Variants in RPS6KA3 observed in about 807,000 individuals in gnomAD.
RPS6KA3 encodes ribosomal protein S6 kinase alpha-3.
Under a neutral mutation model 67.2 loss-of-function variants are expected in RPS6KA3, and 4 were observed. The observed-to-expected ratio is 0.06, with a 90% CI of 0.03 to 0.14. RPS6KA3 has a LOEUF of 0.14. Among genes scored for constraint, RPS6KA3 ranks in the 10% least tolerant of loss-of-function variants. The pLI is 1.00. For synonymous variants in RPS6KA3, 182 were observed against 183.7 expected, an observed-to-expected ratio of 0.99 and a Z score of 0.07; for missense variants, 204 against 559.0, an observed-to-expected ratio of 0.36 and a Z score of 6.40.
At chrX:20,208,484 G>C (rs1603428139) in intron 3 of RPS6KA3, among the ~76,000 whole-genome samples, 1 of 111,668 alleles carries the variant, frequency 9.0e-6, no homozygotes, top group Non-Finnish European at 1.9e-5. Flanking sequence ...GGGAGGCCGA[G>C]GCAAGTGGAT....
At chrX:20,240,145 T>G (rs1223104919) in intron 1 of RPS6KA3, among the ~76,000 whole-genome samples, 1 of 108,984 alleles carries the variant, frequency 9.2e-6, no homozygotes, top group Non-Finnish European at 1.9e-5. Context: ...AGAAATGAAA[T>G]GGACGTACGG....
At chrX:20,259,755 A>T (rs754076688) in intron 1 of RPS6KA3, among the ~76,000 whole-genome samples, 2 of 111,756 alleles carry the variant, frequency 1.8e-5, no homozygotes, top group Non-Finnish European at 3.8e-5. Context: ...CATTGTATAC[A>T]ACATCTTAAA....
chrX:20,213,712 GAATAA>G (rs1170602093), intron 2 of RPS6KA3, among the ~76,000 whole-genome samples: 28 of 104,842 alleles, frequency 2.7e-4, no homozygotes, highest in African/African-American at 8.0e-4. Flanking sequence ...TATAATAATA[GAATAA>G]AATAAAATAA....
intron 4 of RPS6KA3, among the ~76,000 whole-genome samples, chrX:20,196,913 C>T (rs774373788): frequency 3.6e-5 from 4 of 111,673 alleles, no homozygotes; most frequent in South Asian, 3.8e-4. Flanking sequence ...GACCTCGGCT[C>T]GCTGCAACCT....
At chrX:20,190,689 A>T (rs1215876926) in intron 7 of RPS6KA3, among the ~76,000 whole-genome samples, 1 of 111,484 alleles carries the variant, frequency 9.0e-6, no homozygotes. Context: ...TGGGAAAATA[A>T]TCAGGAAAAC....
intron 1 of RPS6KA3, among the ~76,000 whole-genome samples, chrX:20,253,878 G>A (rs970580895): frequency 9.3e-6 from 1 of 107,699 alleles, no homozygotes; most frequent in Non-Finnish European, 1.9e-5. Context: ...TTTTCACCTA[G>A]TAGTATACTA....
chrX:20,199,158 C>T (rs2068355876), intron 4 of RPS6KA3, among the ~76,000 whole-genome samples: 1 of 111,903 alleles, frequency 8.9e-6, no homozygotes, highest in Non-Finnish European at 1.9e-5. Flanking sequence ...GCGTGAGCCA[C>T]CGTACCCAGC....
At chrX:20,239,513 T>TC (rs1156240335) in intron 1 of RPS6KA3, among the ~76,000 whole-genome samples, 1 of 111,637 alleles carries the variant, frequency 9.0e-6, no homozygotes, top group Non-Finnish European at 1.9e-5. Context: ...TCCTCTCTCA[T>TC]CCCACCATAA....
chrX:20,186,392 G>T lies in RPS6KA3; in HGVS notation c.775-26C>A, dbSNP rs766558226. The T allele has an allele frequency of 1.4e-5, 13 of 940,743 alleles. No individual in the cohort carries two copies. The South Asian group carries it at 1.8e-4, about 13-fold the overall frequency. 77.5% of individuals were successfully genotyped at this position (940,743 alleles called of 1,213,427 possible). A position where few individuals can be genotyped will look rare whatever the true frequency, so the allele number is the denominator to read the frequency against. On this transcript the variant is annotated intron_variant, in intron 9 of 21. Transcript: ENST00000379565. ...CTACAGAAAGGCAAAATAATCAGAAGTGTTAGTCAATAAATATAAAATCTG... is the reference window on the plus strand; with the variant it reads ...CTACAGAAAGGCAAAATAATCAGAATTGTTAGTCAATAAATATAAAATCTG...
intron 1 of RPS6KA3, among the ~76,000 whole-genome samples, chrX:20,259,033 A>G (rs116292756): frequency 0.031 from 3,468 of 111,954 alleles, 126 homozygotes; most frequent in African/African-American, 0.1. Context: ...TATGGTATGT[A>G]AAACATAAAA....
chrX:20,225,231 TTTTTTTTTTTTG>T lies in RPS6KA3; in HGVS notation c.126+9515_126+9526del, dbSNP rs1285678633. Among the ~76,000 whole-genome samples, 540 of 82,084 alleles carry T rather than the reference TTTTTTTTTTTTG, an allele frequency of 6.6e-3. 7 individuals carry two copies. The highest frequency in any genetic ancestry group is 0.027 in the African/African-American group (478 of 17,792). 71.3% of individuals were successfully genotyped at this position (82,084 alleles called of 115,157 possible). A position where few individuals can be genotyped will look rare whatever the true frequency, so the allele number is the denominator to read the frequency against. On this transcript the variant is annotated intron_variant, in intron 2 of 21. Coordinates refer to ENST00000379565, the MANE Select transcript of RPS6KA3 (RefSeq NM_004586.3). ...GGTAAGCCATGATAAAAAGGGGAGGTTTTTTTTTTTTGTTTTTTTTTTTGTTTTTTTTTTTTT... is the reference window on the plus strand; with the variant it reads ...GGTAAGCCATGATAAAAAGGGGAGGTTTTTTTTTTTTGTTTTTTTTTTTTT...
At chrX:20,186,194 G>T in intron 10 of RPS6KA3, 102 bp downstream of exon 10, 1 of 572,005 alleles carries the variant, frequency 1.7e-6, no homozygotes, top group Non-Finnish European at 3.1e-6. Context: ...CGTCTTCCTT[G>T]CCCTCCCAAA....
chrX:20,252,911 G>A (rs972821998), intron 1 of RPS6KA3, among the ~76,000 whole-genome samples: 1 of 110,833 alleles, frequency 9.0e-6, no homozygotes, highest in Non-Finnish European at 1.9e-5. Flanking sequence ...GTTCTGCCTC[G>A]TTGATGTAAG....
In RPS6KA3 at chrX:20,166,709, CCTT is replaced by C. The variant is rs1429078754; in HGVS notation, c.1602+877_1602+879del. Among the ~76,000 whole-genome samples the C allele has an allele frequency of 1.4e-3, 142 of 104,285 alleles. 1 individual carries two copies. Among genetic ancestry groups the C allele is most frequent in the Admixed American group, 2.1e-3 (20 of 9,603 alleles). 90.6% of individuals were successfully genotyped at this position (104,285 alleles called of 115,157 possible). ...ATTTTCTCCTTTCCTCCCAGACTTC[CCTT>C]CTTTTTTTTTTTTTTTTTTTTTTGA... On this transcript the variant is annotated intron_variant, in intron 17 of 21. Transcript: ENST00000379565.
chrX:20,195,206 A>C (rs2068241611), intron 4 of RPS6KA3, 61 bp from the exon 5 acceptor site: 1 of 784,537 alleles, frequency 1.3e-6, no homozygotes, highest in East Asian at 3.3e-5. Context: ...TTCAAAACAA[A>C]TTCTTTTTGG....
chrX:20,160,224 C>T (rs2067274501), intron 20 of RPS6KA3, among the ~76,000 whole-genome samples: 1 of 111,821 alleles, frequency 8.9e-6, no homozygotes, highest in African/African-American at 3.2e-5. Context: ...ATATTTTTGG[C>T]TGTCTCCCAA....
intron 16 of RPS6KA3, among the ~76,000 whole-genome samples, chrX:20,168,719 C>T (rs549458579): frequency 2.7e-5 from 3 of 112,203 alleles, no homozygotes; most frequent in African/African-American, 9.7e-5. Flanking sequence ...ATCGTAAGTA[C>T]TTTTCTTCTT....
intron 7 of RPS6KA3, among the ~76,000 whole-genome samples, chrX:20,191,868 G>C (rs1267074746): frequency 4.5e-5 from 5 of 110,683 alleles, no homozygotes; most frequent in African/African-American, 1.7e-4. Flanking sequence ...CCGGATTCAA[G>C]CGATTCTCCT....
At chrX:20,241,436 A>G (rs1356407334) in intron 1 of RPS6KA3, among the ~76,000 whole-genome samples, 1 of 110,093 alleles carries the variant, frequency 9.1e-6, no homozygotes. Flanking sequence ...AATGAAAAAA[A>G]AAAGAAAGAA....
Sources: gnomAD v4.1 joint callset for allele counts (sites outside exome capture counted in the v4.1 genomes callset) on GRCh38, gnomAD v4.1.1 for gene constraint, MANE v1.5 for transcripts, NCBI Gene and HGNC (gene_info 2026-07-23, HGNC 2026-07-21) for gene names.